The following RNF40 variants were observed in gnomAD, a reference collection of about 807,000 sequenced individuals.
RNF40 encodes ring finger protein 40.
Under a neutral mutation model 123.3 loss-of-function variants are expected in RNF40, and 39 were observed. The observed-to-expected ratio is 0.32, with a 90% confidence interval of 0.24 to 0.41. The LOEUF is 0.41. Ranked by LOEUF, RNF40 falls within the 10% of genes least tolerant of loss-of-function variation. The pLI is 1.00. For missense variants in RNF40, 1,003 were observed against 1,319.9 expected (o/e 0.76, Z 3.72); for synonymous variants, 538 against 526.0 (o/e 1.02, Z -0.31).
intron 19 of RNF40, 130 bp downstream of exon 19, chr16:30,772,320 C>T (rs1384369511): frequency 3.9e-6 from 3 of 777,214 alleles, no homozygotes; most frequent in Non-Finnish European, 6.8e-6. Context: ...ACAGTGGTCA[C>T]AGAGTCAAAT....
chr16:30,768,399 A>C lies in RNF40; in HGVS notation c.1848A>C (p.Glu616Asp), dbSNP rs781525678. Residue 616 changes from glutamate to aspartate, a missense_variant, in exon 13 of 20, where the codon GAA becomes GAC. This residue lies in a region of RNF40 where 295 missense variants were observed against 331.7 expected (regional missense o/e 0.89). Transcript: ENST00000324685. This position sits in a 1 kb window ranked among gnomAD's most constrained non-coding sequence, Gnocchi z 4.1. Reference protein sequence around the residue: ...PEARPKRELREREGPSLGPPP... With the variant: ...PEARPKRELRDREGPSLGPPP... ...CCAGGCCCAAGCGGGAGCTTCGGGAACGGGAAGGTCCCAGCCTAGGACCTC... is the reference window on the plus strand; with the variant it reads ...CCAGGCCCAAGCGGGAGCTTCGGGACCGGGAAGGTCCCAGCCTAGGACCTC... The C allele has an allele frequency of 6.2e-7, 1 of 1,613,782 alleles. No individual in the cohort carries two copies. The highest frequency in any genetic ancestry group is 2.2e-5 in the East Asian group (1 of 44,866).
chr16:30,768,422 C>T lies in RNF40; in HGVS notation c.1871C>T (p.Pro624Leu), dbSNP rs2054080128. The T allele has an allele frequency of 1.2e-6, 2 of 1,613,648 alleles. No individual in the cohort carries two copies. Among genetic ancestry groups the T allele is most frequent in the Non-Finnish European group, 1.7e-6 (2 of 1,179,898 alleles). Residue 624 changes from proline (P) to leucine (L), a missense_variant, in exon 13 of 20, where the codon CCT becomes CTT. By Grantham distance (98) the Pro-to-Leu change is moderately conservative. This residue lies in a region of RNF40 where 295 missense variants were observed against 331.7 expected (regional missense o/e 0.89). Transcript: ENST00000324685. The surrounding 1 kb of genome is among the most constrained non-coding windows in gnomAD (Gnocchi z 4.1). ...LREREGPSLG[P>L]PPVASALSRA... ...GAACGGGAAGGTCCCAGCCTAGGAC[C>T]TCCACCTGTAGCCTCCGCTCTCTCA...
intron 19 of RNF40, chr16:30,773,468 G>A (rs2054182149): frequency 6.5e-6 from 1 of 154,010 alleles, no homozygotes; most frequent in Admixed American, 6.5e-5. Flanking sequence ...AGAGGTCTCA[G>A]GCTAAGAAGG....
At chr16:30,764,429 T>G in intron 5 of RNF40, 44 bp downstream of exon 5, 1 of 1,502,318 alleles carries the variant, frequency 6.7e-7, no homozygotes, top group Non-Finnish European at 9.1e-7. Context: ...CATCCCCACC[T>G]GCATCTTGAT....
chr16:30,762,631 C>T lies in RNF40; in HGVS notation c.86C>T (p.Thr29Ile). 1 of 1,612,552 alleles carries T rather than the reference C, an allele frequency of 6.2e-7. No homozygotes were observed. The highest frequency in any genetic ancestry group is 8.5e-7 in the Non-Finnish European group (1 of 1,179,724). ...AAGCTGAGTCGTGAGGAGAAGACCA[C>T]CACGACTCTTATCGAGCCCATTCGT... ...EKKLSREEKT[T>I]TTLIEPIRLG... Residue 29 changes from threonine to isoleucine, a missense_variant, in exon 2 of 20, where the codon ACC (threonine) becomes ATC (isoleucine). Physicochemically the swap from Thr to Ile is moderately conservative, Grantham distance 89. Around this residue, in one of 11 missense-constraint regions of RNF40, gnomAD observed 51 missense variants for 56.2 expected, o/e 0.91. Coordinates refer to ENST00000324685, the MANE Select transcript of RNF40 (RefSeq NM_014771.4).
In RNF40 at chr16:30,766,352, G is replaced by A. The variant is rs751896409; in HGVS notation, c.1114-27G>A. The A allele has an allele frequency of 3.1e-6, 5 of 1,612,272 alleles. No individual in the cohort carries two copies. The East Asian group carries it at 6.7e-5, about 22-fold the overall frequency. On this transcript the variant is annotated intron_variant, in intron 9 of 19. Coordinates refer to ENST00000324685, the MANE Select transcript of RNF40 (RefSeq NM_014771.4). This position sits in a 1 kb window ranked among gnomAD's most constrained non-coding sequence, Gnocchi z 5.4. Reference sequence around the variant, plus strand: ...GGACTGAGCCCTGAATCCTGTTGCTGATCCCATTTGGGCATCCCTGCCCCA... The same window carrying A: ...GGACTGAGCCCTGAATCCTGTTGCTAATCCCATTTGGGCATCCCTGCCCCA...
Position 30,763,548 on chromosome 16 carries a change from C to T in RNF40, c.431C>T (p.Ser144Leu), listed in dbSNP as rs1469757205. 1.2e-6 allele frequency: 2 copies of T among 1,613,980 alleles called. No individual in the cohort carries two copies. Among genetic ancestry groups the T allele is most frequent in the Middle Eastern group, 1.6e-4 (1 of 6,084 alleles). Residue 144 changes from serine to leucine, a missense_variant, in exon 4 of 20, where the codon TCA (serine) becomes TTA (leucine). Around this residue, in one of 11 missense-constraint regions of RNF40, gnomAD observed 104 missense variants for 85.2 expected, o/e 1.22. Transcript: ENST00000324685. ...DGTPLPEPGT[S>L]ELRDPLLMQL... The stretch of plus-strand genomic sequence containing the variant: ...ACTCCTCTCCCAGAGCCGGGGACAT[C>T]AGAGCTGAGAGGTAGGACCAGAGTG...
Position 30,771,952 on chromosome 16 carries a change from C to G in RNF40, c.2706C>G (p.Ser902Arg), listed in dbSNP as rs1380646413. Residue 902 changes from serine (S) to arginine (R), a missense_variant, in exon 18 of 20, where the codon AGC (serine) becomes AGG (arginine). Around this residue, in one of 11 missense-constraint regions of RNF40, gnomAD observed 121 missense variants for 125.3 expected, o/e 0.97. Transcript: ENST00000324685. ...AESRAAREKE[S>R]FNLKRAQEDI... is the part of the protein sequence containing the mutation. The stretch of plus-strand genomic sequence containing the variant: ...GCCGGGCTGCTCGTGAGAAAGAGAG[C>G]TTCAACCTCAAGAGGGCTCAGGTGT... 1 of 1,598,506 alleles carries G rather than the reference C, an allele frequency of 6.3e-7. No individual in the cohort carries two copies. Among genetic ancestry groups the G allele is most frequent in the African/African-American group, 1.3e-5 (1 of 74,624 alleles).
chr16:30,773,349 C>T (rs769839115), intron 19 of RNF40, among the ~76,000 whole-genome samples: 107 of 152,074 alleles, frequency 7.0e-4, no homozygotes, highest in Admixed American at 2.2e-3. Flanking sequence ...GCTGCTGAGG[C>T]GGCAGGCTGG....
At chr16:30,770,625 G>A (rs773278883) in intron 17 of RNF40, among the ~76,000 whole-genome samples, 34 of 152,306 alleles carry the variant, frequency 2.2e-4, no homozygotes, top group Non-Finnish European at 1.8e-4. Flanking sequence ...TTGGCTAAAG[G>A]CTTAAGATTA....
At position 30,768,040 on chromosome 16, in the gene RNF40, A is replaced by C. The variant is rs1159967849; in HGVS notation, c.1551+25A>C. 1.9e-6 allele frequency: 3 copies of C among 1,614,180 alleles called. No homozygotes were observed. The highest frequency in any genetic ancestry group is 8.5e-7 in the Non-Finnish European group (1 of 1,180,028). Reference sequence around the variant, plus strand: ...GGTGAGAAGGGGCCTGCCTGGGAAAAGGTTTGGCTAGACTCCAGTGAACAC... The same window carrying C: ...GGTGAGAAGGGGCCTGCCTGGGAAACGGTTTGGCTAGACTCCAGTGAACAC... On this transcript the variant is annotated intron_variant, in intron 12 of 19. Transcript: ENST00000324685. This position sits in a 1 kb window ranked among gnomAD's most constrained non-coding sequence, Gnocchi z 4.1.
At position 30,766,204 on chromosome 16, in the gene RNF40, G is replaced by A. The variant is rs913018677; in HGVS notation, c.1035G>A (p.Leu345=). 1.7e-5 allele frequency: 28 copies of A among 1,614,054 alleles called. No homozygotes were observed. Among genetic ancestry groups the A allele is most frequent in the Non-Finnish European group, 2.4e-5 (28 of 1,180,040 alleles). The part of the protein sequence containing the change: ...LNAELEENQE[L]ANSRMAELEK... ...CAGAGTTAGAGGAAAACCAGGAACT[G>A]GCCAACAGCCGTATGGCAGAGCTGG... is the stretch of plus-strand genomic sequence containing the variant. Residue 345 remains leucine, a synonymous_variant, in exon 9 of 20, where the codon CTG becomes CTA. Coordinates refer to ENST00000324685, the MANE Select transcript of RNF40 (RefSeq NM_014771.4). This position sits in a 1 kb window ranked among gnomAD's most constrained non-coding sequence, Gnocchi z 5.4.
chr16:30,775,407 T>C lies in RNF40; in HGVS notation c.*1293T>C, dbSNP rs374375536. ...GGTCTGACCACGTCCTTGGCTGTCA[T>C]GGCCGGGGGATGCCGGGACTCCTCG... On this transcript the variant is annotated 3_prime_UTR_variant, in exon 20 of 20. Coordinates refer to ENST00000324685, the MANE Select transcript of RNF40 (RefSeq NM_014771.4). 125 of 190,512 alleles carry C rather than the reference T, an allele frequency of 6.6e-4. No individual in the cohort carries two copies. Among genetic ancestry groups the C allele is most frequent in the African/African-American group, 2.7e-3 (115 of 42,496 alleles). The allele number at this position is 190,512 out of a possible 1,614,324, so 11.8% of individuals were successfully genotyped here. A position where few individuals can be genotyped will look rare whatever the true frequency, so the allele number is the denominator to read the frequency against.
chr16:30,772,104 C>T lies in RNF40; in HGVS notation c.2743C>T (p.Leu915=). Residue 915 remains leucine, a synonymous_variant, in exon 19 of 20, where the codon CTG becomes TTG. Coordinates refer to ENST00000324685, the MANE Select transcript of RNF40 (RefSeq NM_014771.4). ...CCTGCCCCAGGAGGACATCTCACGGCTGCGGCGCAAGCTGGAAAAGCAGAG... is the reference window on the plus strand; with the variant it reads ...CCTGCCCCAGGAGGACATCTCACGGTTGCGGCGCAAGCTGGAAAAGCAGAG... The part of the protein sequence containing the change: ...LKRAQEDISR[L]RRKLEKQRKV... 1.3e-6 allele frequency: 2 copies of T among 1,560,134 alleles called. No individual in the cohort carries two copies. Among genetic ancestry groups the T allele is most frequent in the South Asian group, 1.2e-5 (1 of 85,132 alleles).
chr16:30,773,841 C>T lies in RNF40; in HGVS notation c.2830-97C>T. 2.4e-6 allele frequency: 3 copies of T among 1,243,896 alleles called. No individual in the cohort carries two copies. The African/African-American group carries it at 4.5e-5, about 19-fold the overall frequency. 77.1% of individuals were successfully genotyped at this position (1,243,896 alleles called of 1,614,324 possible). On this transcript the variant is annotated intron_variant, in intron 19 of 19. Transcript: ENST00000324685. The stretch of plus-strand genomic sequence containing the variant: ...GTTATGGGAGGATGAGGTGCAGTCT[C>T]CAGTGTGGTGGGCTTGGCCTGGACT...
At chr16:30,767,776 C>T (rs2054065575) in intron 11 of RNF40, 118 bp from the exon 12 acceptor site, 5 of 1,369,476 alleles carry the variant, frequency 3.7e-6, no homozygotes, top group African/African-American at 1.4e-5. Context: ...TCCGTTGAGG[C>T]CGCAATGTTC....
upstream of RNF40, chr16:30,762,274 CG>C (rs1055620187): frequency 1.4e-5 from 6 of 436,806 alleles, no homozygotes; most frequent in African/African-American, 1.0e-4. Context: ...CCCTGCGCAC[CG>C]TTGGGGGGGG....
chr16:30,763,627 T>C, intron 4 of RNF40, 68 bp downstream of exon 4: 1 of 1,543,958 alleles, frequency 6.5e-7, no homozygotes, highest in Non-Finnish European at 8.8e-7. Flanking sequence ...GAGGGGACTT[T>C]GGTGTTGGGC....
intron 11 of RNF40, chr16:30,767,614 G>A (rs1414769772): frequency 3.8e-5 from 12 of 314,240 alleles, no homozygotes; most frequent in Non-Finnish European, 5.4e-5. Context: ...AGACCAGCCA[G>A]GGCAACAAAG....
Sources: allele counts gnomAD v4.1 joint callset (sites outside exome capture counted in the v4.1 genomes callset), GRCh38; gene constraint gnomAD v4.1.1; regional missense constraint gnomAD v4.1.1; non-coding constraint Gnocchi (gnomAD v3.1); transcripts MANE v1.5; gene names NCBI Gene and HGNC (gene_info 2026-07-23, HGNC 2026-07-21).